The following ANKIB1 variants were observed in gnomAD, a reference collection of about 807,000 sequenced individuals.
The protein encoded by ANKIB1 is ankyrin repeat and IBR domain containing 1, also known as ankyrin repeat and IBR domain-containing protein 1.
In ANKIB1, 43 loss-of-function variants were observed where a neutral mutation model predicts 122.1. The ratio of observed to expected loss-of-function variants is 0.35; its 90% CI spans 0.28 to 0.45. The LOEUF is 0.45. ANKIB1 is among the 20% of genes least tolerant of loss of function. The pLI, the probability that ANKIB1 is intolerant of heterozygous loss-of-function variation, is 1.00. For missense variants in ANKIB1, 992 were observed against 1,329.5 expected (o/e 0.75, Z 3.95); for synonymous variants, 390 against 442.0 (o/e 0.88, Z 1.48).
intron 15 of ANKIB1, among the ~76,000 whole-genome samples, chr7:92,390,889 C>T (rs1044628560): frequency 4.6e-5 from 7 of 152,182 alleles, no homozygotes; most frequent in Admixed American, 3.9e-4. Flanking sequence ...ATACTCACTA[C>T]TTCTTTGTAA....
chr7:92,264,489 C>T (rs891417073), intron 1 of ANKIB1, among the ~76,000 whole-genome samples: 2 of 152,078 alleles, frequency 1.3e-5, no homozygotes, highest in Non-Finnish European at 2.9e-5. Flanking sequence ...CCTCCGCCTC[C>T]CAGCTTTAAG....
intron 1 of ANKIB1, among the ~76,000 whole-genome samples, chr7:92,264,811 C>G (rs904366333): frequency 6.6e-6 from 1 of 152,102 alleles, no homozygotes; most frequent in African/African-American, 2.4e-5. Flanking sequence ...CTGCCCTTAG[C>G]AAACTTATAA....
chr7:92,365,962 A>AT (rs1204129262), intron 10 of ANKIB1, among the ~76,000 whole-genome samples: 2 of 151,074 alleles, frequency 1.3e-5, no homozygotes, highest in South Asian at 2.1e-4. Context: ...TGCCCGGCTA[A>AT]TTTTTTGTAT....
intron 5 of ANKIB1, among the ~76,000 whole-genome samples, chr7:92,336,611 A>G (rs1585113547): frequency 6.6e-6 from 1 of 152,208 alleles, no homozygotes; most frequent in Admixed American, 6.5e-5. Context: ...TATATCCAGA[A>G]TCTGTGCTTC....
chr7:92,267,155 A>G (rs1242356427), intron 1 of ANKIB1, among the ~76,000 whole-genome samples: 2 of 152,250 alleles, frequency 1.3e-5, no homozygotes, highest in Non-Finnish European at 2.9e-5. Context: ...TAGGTAGAAC[A>G]GAGTTAAGGT....
intron 1 of ANKIB1, among the ~76,000 whole-genome samples, chr7:92,268,596 G>A (rs974746814): frequency 2.0e-5 from 3 of 152,060 alleles, no homozygotes; most frequent in African/African-American, 7.2e-5. Context: ...TCCCACCTCA[G>A]GCTCCCGTAG....
At chr7:92,348,410 G>C (rs1803586497) in intron 7 of ANKIB1, among the ~76,000 whole-genome samples, 1 of 145,924 alleles carries the variant, frequency 6.9e-6, no homozygotes, top group Admixed American at 6.8e-5. Flanking sequence ...TTTTGAGTTG[G>C]AGTCTCGCTC....
chr7:92,358,422 A>T (rs930023688), intron 9 of ANKIB1, among the ~76,000 whole-genome samples: 1 of 152,172 alleles, frequency 6.6e-6, no homozygotes, highest in African/African-American at 2.4e-5. Flanking sequence ...AGGAAGCAGC[A>T]AGTCTGTGTC....
rs67933063 is a variant in ANKIB1 at position 92,344,193 on chromosome 7, GTTTTTTTTTTT to G, written c.997-767_997-757del. 9.7e-4 allele frequency among the ~76,000 whole-genome samples: 95 copies of G among 97,676 alleles called. 1 individual carries two copies. The highest frequency in any genetic ancestry group is 9.1e-3 in the South Asian group (26 of 2,848). 64.1% of individuals were successfully genotyped at this position (97,676 alleles called of 152,430 possible). ...TTTTTGTTGTTGTTTTGTGTTTTTG[GTTTTTTTTTTT>G]TTTTTTTTTTTTTTTTTGAGACGGA... On this transcript the variant is annotated intron_variant, in intron 6 of 19. Coordinates refer to ENST00000265742, the MANE Select transcript of ANKIB1 (RefSeq NM_019004.2).
In ANKIB1 at chr7:92,398,823, G is replaced by A. The variant is rs779694211; in HGVS notation, c.3144G>A (p.Ala1048=). The stretch of plus-strand genomic sequence containing the variant: ...ATCCTTTGGAAGAAAATATTCTGGC[G>A]GGGGAAGCAGCATCTCAAGCTGGTG... The part of the protein sequence containing the change: ...EENPLEENIL[A]GEAASQAGDS... Residue 1048 remains alanine, a synonymous_variant, in exon 20 of 20, where the codon GCG becomes GCA. Transcript: ENST00000265742. The A allele has an allele frequency of 1.2e-5, 19 of 1,605,012 alleles. No homozygotes were observed. In the Admixed American group the frequency reaches 1.5e-4, roughly 13 times the overall value.
At chr7:92,289,092 C>T (rs1311405423) in intron 1 of ANKIB1, among the ~76,000 whole-genome samples, 1 of 152,158 alleles carries the variant, frequency 6.6e-6, no homozygotes, top group Non-Finnish European at 1.5e-5. Context: ...ATAATAATTG[C>T]CCCAGCTGGA....
rs1464536449 is a variant in ANKIB1 at position 92,392,276 on chromosome 7, G to A, written c.2267G>A (p.Gly756Glu). Reference protein sequence around the residue: ...AGGTWDWEYLGFASPEEYAEF... With the variant: ...AGGTWDWEYLEFASPEEYAEF... The stretch of plus-strand genomic sequence containing the variant: ...GGAACATGGGATTGGGAATATTTAG[G>A]ATTTGCATCACCAGAGGTAATTGTT... The change falls in exon 17 of 20, where the codon GGA (glycine) becomes GAA (glutamate). Residue 756 changes from glycine (G) to glutamate (E), a missense_variant. Gly to Glu is a moderately conservative substitution (Grantham distance 98). Transcript: ENST00000265742. 6.2e-7 allele frequency: 1 copy of A among 1,610,140 alleles called. No homozygotes were observed. The highest frequency in any genetic ancestry group is 8.5e-7 in the Non-Finnish European group (1 of 1,177,894).
intron 1 of ANKIB1, among the ~76,000 whole-genome samples, chr7:92,251,336 C>T (rs192490628): frequency 4.6e-5 from 7 of 152,234 alleles, no homozygotes; most frequent in Non-Finnish European, 8.8e-5. Context: ...AAACATTGCC[C>T]TTCTTGTTAA....
At chr7:92,260,483 AG>A (rs1420648179) in intron 1 of ANKIB1, among the ~76,000 whole-genome samples, 5 of 152,136 alleles carry the variant, frequency 3.3e-5, no homozygotes, top group African/African-American at 1.2e-4. Flanking sequence ...ATTCAAGACT[AG>A]CCTGGGCAAC....
rs1563339983 is a variant in ANKIB1 at position 92,246,462 on chromosome 7, G to A, written c.-148G>A. The A allele has an allele frequency of 1.9e-6, 1 of 518,044 alleles. No homozygotes were observed. The highest frequency in any genetic ancestry group is 5.5e-5 in the East Asian group (1 of 18,324). The allele number at this position is 518,044 out of a possible 1,614,324, so 32.1% of individuals were successfully genotyped here. A position where few individuals can be genotyped will look rare whatever the true frequency, so the allele number is the denominator to read the frequency against. On this transcript the variant is annotated 5_prime_UTR_variant, in exon 1 of 20. Transcript: ENST00000265742. ...CGGCTGTAGAGGCAGGGGCGGCGGAGGCGGAACTGCGGAGTTGCTGGGTCC... is the reference window on the plus strand; with the variant it reads ...CGGCTGTAGAGGCAGGGGCGGCGGAAGCGGAACTGCGGAGTTGCTGGGTCC...
intron 12 of ANKIB1, among the ~76,000 whole-genome samples, chr7:92,387,157 C>A (rs1441083056): frequency 1.3e-5 from 2 of 152,086 alleles, no homozygotes. Flanking sequence ...CTCTGGTGCC[C>A]CTTCCTCTTC....
intron 17 of ANKIB1, among the ~76,000 whole-genome samples, chr7:92,393,110 T>C (rs1256397336): frequency 1.3e-5 from 2 of 152,128 alleles, no homozygotes; most frequent in African/African-American, 4.8e-5. Context: ...AATCTTTGTT[T>C]GTAATGTATA....
chr7:92,386,146 G>C (rs1248287235), intron 11 of ANKIB1, among the ~76,000 whole-genome samples: 1 of 152,168 alleles, frequency 6.6e-6, no homozygotes, highest in Admixed American at 6.5e-5. Context: ...AATATTGCCA[G>C]AAGTTTTTCA....
chr7:92,275,260 A>G (rs1801877667), intron 1 of ANKIB1, among the ~76,000 whole-genome samples: 1 of 152,052 alleles, frequency 6.6e-6, no homozygotes, highest in South Asian at 2.1e-4. Flanking sequence ...GAGCATATTG[A>G]CTAAGTTTTC....
Sources: allele counts gnomAD v4.1 joint callset (sites outside exome capture counted in the v4.1 genomes callset), GRCh38; gene constraint gnomAD v4.1.1; transcripts MANE v1.5; gene names NCBI Gene and HGNC (gene_info 2026-07-23, HGNC 2026-07-21).